The following THSD7A variants were observed in gnomAD, a reference collection of about 807,000 sequenced individuals.
THSD7A encodes thrombospondin type 1 domain containing 7A, also known as thrombospondin type-1 domain-containing protein 7A.
In THSD7A, 96 loss-of-function variants were observed where a neutral mutation model predicts 231.3. The ratio of observed to expected loss-of-function variants is 0.41; its 90% confidence interval spans 0.35 to 0.49. The LOEUF is 0.49. THSD7A is among the 20% of genes least tolerant of loss of function. The pLI, the probability that THSD7A is intolerant of heterozygous loss-of-function variation, is 0.05. For synonymous variants in THSD7A, 940 were observed against 743.3 expected, an observed-to-expected ratio of 1.26 and a Z score of -4.30; for missense variants, 2,290 against 2,070.2, an observed-to-expected ratio of 1.11 and a Z score of -2.06.
intron 1 of THSD7A, among the ~76,000 whole-genome samples, chr7:11,702,810 C>T (rs1780646606): frequency 6.6e-6 from 1 of 151,110 alleles, no homozygotes; most frequent in South Asian, 2.1e-4. Flanking sequence ...TAGAACACTA[C>T]CTGACTCCTG....
chr7:11,716,079 A>T (rs1781125327), intron 1 of THSD7A, among the ~76,000 whole-genome samples: 1 of 151,530 alleles, frequency 6.6e-6, no homozygotes, highest in East Asian at 2.0e-4. Flanking sequence ...CAGACCTCTC[A>T]ATTAGAACAC....
At position 11,481,917 on chromosome 7, in the gene THSD7A, G is replaced by A. The variant is rs780832467; in HGVS notation, c.1888C>T (p.Pro630Ser). 6.8e-6 allele frequency: 11 copies of A among 1,613,572 alleles called. No individual in the cohort carries two copies. Among genetic ancestry groups the A allele is most frequent in the Admixed American group, 6.7e-5 (4 of 60,000 alleles). The change falls in exon 7 of 28, where the codon CCA (proline) becomes TCA (serine). Residue 630 changes from proline to serine, a missense_variant. Coordinates refer to ENST00000423059, the MANE Select transcript of THSD7A (RefSeq NM_015204.3). ...CTGAGCACACAGTCTTTCGGGCATGGGGCATCACAGGCCACAGGGATGGGG... is the reference window on the plus strand; with the variant it reads ...CTGAGCACACAGTCTTTCGGGCATGAGGCATCACAGGCCACAGGGATGGGG... The part of the protein sequence containing the change: ...IFPIPVACDA[P>S]CPKDCVLSTW...
chr7:11,694,345 C>A (rs1331148498), intron 1 of THSD7A, among the ~76,000 whole-genome samples: 1 of 151,502 alleles, frequency 6.6e-6, no homozygotes, highest in Non-Finnish European at 1.5e-5. Flanking sequence ...CCTGCGGGAC[C>A]ACCACTTCCT....
At chr7:11,672,502 T>A (rs1181580280) in intron 1 of THSD7A, among the ~76,000 whole-genome samples, 5 of 152,160 alleles carry the variant, frequency 3.3e-5, no homozygotes, top group Non-Finnish European at 5.9e-5. Flanking sequence ...CATTCTATTA[T>A]TCTTTCATTT....
At chr7:11,490,065 G>GT (rs1412353593) in intron 6 of THSD7A, among the ~76,000 whole-genome samples, 2 of 151,940 alleles carry the variant, frequency 1.3e-5, no homozygotes, top group Non-Finnish European at 2.9e-5. Flanking sequence ...AAAATCTCAA[G>GT]TTTCTGTTCA....
chr7:11,387,564 C>G (rs912272034), intron 23 of THSD7A, among the ~76,000 whole-genome samples: 11 of 152,146 alleles, frequency 7.2e-5, no homozygotes, highest in Non-Finnish European at 1.3e-4. Context: ...ATTTTGTATC[C>G]TGAGACTTTG....
At chr7:11,539,429 T>G (rs896292992) in intron 6 of THSD7A, among the ~76,000 whole-genome samples, 12 of 152,228 alleles carry the variant, frequency 7.9e-5, no homozygotes, top group Non-Finnish European at 5.9e-5. Context: ...ATAACAAATT[T>G]AATAGCAGTT....
chr7:11,403,711 A>C (rs1241547717), intron 22 of THSD7A, among the ~76,000 whole-genome samples: 1 of 152,232 alleles, frequency 6.6e-6, no homozygotes, highest in African/African-American at 2.4e-5. Flanking sequence ...TTTTAATGAT[A>C]GTCTGTGAGT....
chr7:11,528,900 A>T (rs369834253), intron 6 of THSD7A, among the ~76,000 whole-genome samples: 2 of 152,130 alleles, frequency 1.3e-5, no homozygotes, highest in East Asian at 3.9e-4. Context: ...GCTAAGTACC[A>T]GCGGTCTTAA....
At chr7:11,679,310 A>C (rs894845168) in intron 1 of THSD7A, among the ~76,000 whole-genome samples, 1 of 152,182 alleles carries the variant, frequency 6.6e-6, no homozygotes, top group Non-Finnish European at 1.5e-5. Flanking sequence ...GCCCTCACTC[A>C]CCACTCCTAT....
intron 1 of THSD7A, among the ~76,000 whole-genome samples, chr7:11,687,376 C>G (rs1526541): frequency 0.13 from 19,626 of 151,940 alleles, 1,544 homozygotes; most frequent in Admixed American, 0.18. Context: ...TGGTTTATGT[C>G]ATTAGTCATC....
intron 1 of THSD7A, among the ~76,000 whole-genome samples, chr7:11,688,586 A>G (rs1780135864): frequency 6.6e-6 from 1 of 151,864 alleles, no homozygotes; most frequent in Non-Finnish European, 1.5e-5. Context: ...AGATTTAAAT[A>G]GAGACTGAAA....
chr7:11,590,055 C>T lies in THSD7A; in HGVS notation c.1453+405G>A, dbSNP rs147924421. The stretch of plus-strand genomic sequence containing the variant: ...ATCATAATTAACTTATTTTTAACCA[C>T]ATTTTATCCAAATAAGATTTCTTTT... On this transcript the variant is annotated intron_variant, in intron 4 of 27. Coordinates refer to ENST00000423059, the MANE Select transcript of THSD7A (RefSeq NM_015204.3). This position sits in a 1 kb window ranked among gnomAD's most constrained non-coding sequence, Gnocchi z 4.4. Among the ~76,000 whole-genome samples the T allele has an allele frequency of 5.2e-4, 79 of 152,282 alleles. No individual in the cohort carries two copies. The highest frequency in any genetic ancestry group is 1.7e-3 in the African/African-American group (70 of 41,556).
At chr7:11,435,471 G>A (rs1034546328) in intron 13 of THSD7A, among the ~76,000 whole-genome samples, 2 of 152,044 alleles carry the variant, frequency 1.3e-5, no homozygotes, top group South Asian at 2.1e-4. Flanking sequence ...CCTTTAAGAC[G>A]AGAGAGATTG....
intron 1 of THSD7A, among the ~76,000 whole-genome samples, chr7:11,755,834 T>G (rs1378717893): frequency 6.6e-6 from 1 of 152,074 alleles, no homozygotes; most frequent in Non-Finnish European, 1.5e-5. Context: ...TCTAGATGTA[T>G]TCACTTAAAT....
chr7:11,505,601 A>G (rs1787512310), intron 6 of THSD7A, among the ~76,000 whole-genome samples: 1 of 152,238 alleles, frequency 6.6e-6, no homozygotes. Flanking sequence ...GCAAACAATT[A>G]AAATACACTA....
At chr7:11,717,468 T>G (rs1781180161) in intron 1 of THSD7A, among the ~76,000 whole-genome samples, 1 of 151,674 alleles carries the variant, frequency 6.6e-6, no homozygotes, top group African/African-American at 2.4e-5. Flanking sequence ...CTCCATTTTC[T>G]GCTTTCCATG....
chr7:11,676,260 G>T (rs1452298164), intron 1 of THSD7A, among the ~76,000 whole-genome samples: 1 of 152,026 alleles, frequency 6.6e-6, no homozygotes. Flanking sequence ...TCCATCTGAA[G>T]GTCACCAACA....
chr7:11,459,867 ATAAAT>A (rs1785440328), intron 11 of THSD7A, among the ~76,000 whole-genome samples: 1 of 152,020 alleles, frequency 6.6e-6, no homozygotes, highest in Non-Finnish European at 1.5e-5. Context: ...TACGTTTTTT[ATAAAT>A]TAAAGTTGCT....
Sources: allele counts gnomAD v4.1 joint callset (sites outside exome capture counted in the v4.1 genomes callset), GRCh38; gene constraint gnomAD v4.1.1; non-coding constraint Gnocchi (gnomAD v3.1); transcripts MANE v1.5; gene names NCBI Gene and HGNC (gene_info 2026-07-23, HGNC 2026-07-21).